The following RBBP8NL variants were observed in gnomAD, a reference collection of about 807,000 sequenced individuals.
RBBP8NL encodes RBBP8 N-terminal-like protein.
In RBBP8NL, 59 loss-of-function variants were observed where a neutral mutation model predicts 62.2. The observed-to-expected ratio is 0.95, with a 90% CI of 0.77 to 1.18. The LOEUF (loss-of-function observed/expected upper bound fraction) is 1.18, where lower values mean the gene tolerates loss of function less well. RBBP8NL is among the 50% of genes most tolerant of loss of function. The pLI, the probability that RBBP8NL is intolerant of heterozygous loss-of-function variation, is 0.00. For synonymous variants in RBBP8NL, 412 were observed against 394.1 expected, an observed-to-expected ratio of 1.05 and a Z score of -0.54; for missense variants, 896 against 899.5, an observed-to-expected ratio of 1.00 and a Z score of 0.05.
At chr20:62,416,269 G>T in intron 5 of RBBP8NL, 33 bp from the exon 6 acceptor site, 1 of 1,484,686 alleles carries the variant, frequency 6.7e-7, no homozygotes. Flanking sequence ...AAGCAGCCAG[G>T]GGTTGGGGGG....
chr20:62,416,732 C>A (rs1267925310), intron 5 of RBBP8NL, 28 bp downstream of exon 5: 2 of 1,510,424 alleles, frequency 1.3e-6, no homozygotes, highest in South Asian at 1.2e-5. Context: ...TGGGAGAGGA[C>A]CCCGGTTGTC....
In RBBP8NL at chr20:62,419,747, G is replaced by A. The variant is rs1988659322; in HGVS notation, c.-83-17C>T. The A allele has an allele frequency of 7.5e-7, 1 of 1,336,782 alleles. No homozygotes were observed. Among genetic ancestry groups the A allele is most frequent in the Non-Finnish European group, 1.1e-6 (1 of 947,094 alleles). 82.8% of individuals were successfully genotyped at this position (1,336,782 alleles called of 1,614,324 possible). ...GTGTCCATCCTGAAGAGGAGGAAGA[G>A]GGGACAGGGATCCGCTCAGGAAGGG... is the stretch of plus-strand genomic sequence containing the variant. On this transcript the variant is annotated splice_polypyrimidine_tract_variant and intron_variant, in intron 1 of 13. Transcript: ENST00000252998.
intron 1 of RBBP8NL, among the ~76,000 whole-genome samples, chr20:62,420,062 C>T (rs1319963276): frequency 2.6e-5 from 4 of 152,182 alleles, no homozygotes; most frequent in Non-Finnish European, 5.9e-5. Flanking sequence ...TCCAGCCCAT[C>T]AGTGCCTGGC....
At chr20:62,415,053 C>G in intron 9 of RBBP8NL, 68 bp downstream of exon 9, 1 of 1,396,778 alleles carries the variant, frequency 7.2e-7, no homozygotes, top group South Asian at 1.5e-5. Flanking sequence ...AGGGACTGCC[C>G]TGGGACCAGG....
chr20:62,417,462 C>CTTGA lies in RBBP8NL; in HGVS notation c.105-144_105-143insTCAA, dbSNP rs1157293457. 6.8e-4 allele frequency: 412 copies of CTTGA among 608,860 alleles called. 4 individuals are homozygous for CTTGA. The African/African-American group carries it at 9.8e-3, about 14-fold the overall frequency. The allele number at this position is 608,860 out of a possible 1,614,324, so 37.7% of individuals were successfully genotyped here. On this transcript the variant is annotated intron_variant, in intron 3 of 13. Transcript: ENST00000252998. ...AACGCCTAACCCGGTGCCCCCCTCC[C>CTTGA]AGTCATCTGCACGCTCCTCTGTGAC...
At chr20:62,423,512 A>T (rs1003660076) in intron 1 of RBBP8NL, among the ~76,000 whole-genome samples, 1 of 152,060 alleles carries the variant, frequency 6.6e-6, no homozygotes, top group Non-Finnish European at 1.5e-5. Flanking sequence ...CTCCCCCCAG[A>T]CCCGCCCAAC....
rs750395729 is a variant in RBBP8NL, at chr20:62,413,810, G to C, written c.1530+11C>G. 3.8e-6 allele frequency: 6 copies of C among 1,585,246 alleles called. No individual in the cohort carries two copies. In the African/African-American group the frequency reaches 8.1e-5, roughly 21 times the overall value. ...TGAGGACCGGGTCTGAGCCAGGACC[G>C]GGCTCCTTACCATGGGAGTGGAAGC... On this transcript the variant is annotated intron_variant, in intron 10 of 13. Coordinates refer to ENST00000252998, the MANE Select transcript of RBBP8NL (RefSeq NM_080833.3).
Position 62,414,545 on chromosome 20 carries a change from G to GC in RBBP8NL, c.805dup (p.Ala269GlyfsTer10). 1.4e-6 allele frequency: 2 copies of GC among 1,425,254 alleles called. No individual in the cohort carries two copies. The highest frequency in any genetic ancestry group is 1.8e-6 in the Non-Finnish European group (2 of 1,084,474). The allele number at this position is 1,425,254 out of a possible 1,614,324, so 88.3% of individuals were successfully genotyped here. ...ATGGGTCATGGCGGAGGGCCGGGAG[G>GC]CCCGCAGGAAGCTGTGAGGGAGGAG... On this transcript the variant is annotated frameshift_variant, in exon 10 of 14. Transcript: ENST00000252998. LOFTEE classifies it high-confidence loss of function.
intron 1 of RBBP8NL, among the ~76,000 whole-genome samples, chr20:62,427,243 C>A (rs1198004360): frequency 6.6e-6 from 1 of 152,234 alleles, no homozygotes; most frequent in East Asian, 1.9e-4. Flanking sequence ...CCAGCTCCTG[C>A]CAGGAACGCC....
At position 62,414,442 on chromosome 20, in the gene RBBP8NL, G is replaced by A. The variant is rs779185680; in HGVS notation, c.909C>T (p.Pro303=). ...NRPLSLHLQS[P]HSSPLAPAAA... is the part of the protein sequence containing the mutation. ...CAGCAGGGGCCAGGGGGCTGCTGTG[G>A]GGGCTCTGAAGGTGCAGGGACAGGG... Residue 303 remains proline, a synonymous_variant, in exon 10 of 14, where the codon CCC becomes CCT. Transcript: ENST00000252998. 4 of 1,508,172 alleles carry A rather than the reference G, an allele frequency of 2.7e-6. No homozygotes were observed. The highest frequency in any genetic ancestry group is 3.6e-6 in the Non-Finnish European group (4 of 1,123,656). 93.4% of individuals were successfully genotyped at this position (1,508,172 alleles called of 1,614,324 possible).
At chr20:62,418,038 T>G (rs1454556311) in intron 3 of RBBP8NL, among the ~76,000 whole-genome samples, 1 of 151,686 alleles carries the variant, frequency 6.6e-6, no homozygotes, top group Non-Finnish European at 1.5e-5. Flanking sequence ...ACGCACCACT[T>G]TAGTGCCACA....
At chr20:62,413,637 G>C in intron 10 of RBBP8NL, 92 bp from the exon 11 acceptor site, 1 of 1,445,668 alleles carries the variant, frequency 6.9e-7, no homozygotes, top group Non-Finnish European at 9.2e-7. Flanking sequence ...CCCTCTTGAG[G>C]CTGCAGCTGG....
chr20:62,424,596 C>G (rs1311119901), intron 1 of RBBP8NL, among the ~76,000 whole-genome samples: 1 of 152,216 alleles, frequency 6.6e-6, no homozygotes, highest in Admixed American at 6.5e-5. Context: ...AAACGGGTGC[C>G]TCTTATCCCC....
Position 62,414,528 on chromosome 20 carries a change from T to C in RBBP8NL, c.823A>G (p.Met275Val). 1.4e-6 allele frequency: 2 copies of C among 1,433,188 alleles called. No homozygotes were observed. The highest frequency in any genetic ancestry group is 2.5e-5 in the East Asian group (1 of 39,888). The allele number at this position is 1,433,188 out of a possible 1,614,324, so 88.8% of individuals were successfully genotyped here. ...SFLRASRPSA[M>V]THEAPKLSPK... The stretch of plus-strand genomic sequence containing the variant: ...GAGAGCTTCGGGGCCTCATGGGTCA[T>C]GGCGGAGGGCCGGGAGGCCCGCAGG... Residue 275 changes from methionine to valine, a missense_variant, in exon 10 of 14, where the codon ATG (methionine) becomes GTG (valine). Met to Val is a conservative substitution (Grantham distance 21, BLOSUM62 1). Transcript: ENST00000252998.
intron 11 of RBBP8NL, 32 bp from the exon 12 acceptor site, chr20:62,412,932 G>A: frequency 3.1e-6 from 5 of 1,610,258 alleles, no homozygotes; most frequent in Non-Finnish European, 4.2e-6. Flanking sequence ...GTCAGGCCAG[G>A]CTGGTGGCAC....
chr20:62,426,651 G>A lies in RBBP8NL; in HGVS notation c.-84+809C>T, dbSNP rs567973938. Among the ~76,000 whole-genome samples the A allele has an allele frequency of 1.6e-4, 25 of 152,356 alleles. No homozygotes were observed. The South Asian group carries it at 5.0e-3, about 30-fold the overall frequency. On this transcript the variant is annotated intron_variant, in intron 1 of 13. Coordinates refer to ENST00000252998, the MANE Select transcript of RBBP8NL (RefSeq NM_080833.3). ...TCGGCCAGGTCGCTTGTCTGGCCGT[G>A]CCTCAGTTTCTGTGACTGTAGAACA...
rs1173588847 is a variant in RBBP8NL at position 62,418,419 on chromosome 20, T to TCAC, written c.104+1_104+3dup. On this transcript the variant is annotated splice_donor_region_variant and intron_variant, in intron 3 of 13. Coordinates refer to ENST00000252998, the MANE Select transcript of RBBP8NL (RefSeq NM_080833.3). ...GAGGAGGGGCCCTGCTTGGCCTGAC[T>TCAC]CACCGGCACCTCTCTGAGTTCAGTT... The TCAC allele has an allele frequency of 5.8e-6, 9 of 1,550,222 alleles. No homozygotes were observed. The highest frequency in any genetic ancestry group is 7.8e-6 in the Non-Finnish European group (9 of 1,146,914).
At chr20:62,424,070 G>A (rs1298789791) in intron 1 of RBBP8NL, among the ~76,000 whole-genome samples, 25 of 151,832 alleles carry the variant, frequency 1.6e-4, no homozygotes, top group African/African-American at 5.3e-4. Flanking sequence ...CTACCGGGGC[G>A]GGGAGGGGCT....
Position 62,415,260 on chromosome 20 carries a change from G to T in RBBP8NL, c.655C>A (p.His219Asn). Residue 219 changes from histidine (H) to asparagine (N), a missense_variant, in exon 9 of 14, where the codon CAC becomes AAC. His to Asn is a moderately conservative substitution (Grantham distance 68, BLOSUM62 1). Transcript: ENST00000252998. ...MSPQRISNQL[H>N]GTIAVVRPGS... is the part of the protein sequence containing the mutation. ...GGCCGCACCACGGCAATGGTCCCGT[G>T]CAGCTGGTTGGAGATGCGCTGGGGG... is the stretch of plus-strand genomic sequence containing the variant. The T allele has an allele frequency of 1.3e-6, 2 of 1,571,098 alleles. No individual in the cohort carries two copies. Among genetic ancestry groups the T allele is most frequent in the Non-Finnish European group, 8.6e-7 (1 of 1,164,662 alleles).
Sources: gnomAD v4.1 joint callset for allele counts (sites outside exome capture counted in the v4.1 genomes callset) on GRCh38, gnomAD v4.1.1 for gene constraint, MANE v1.5 for transcripts, NCBI Gene and HGNC (gene_info 2026-07-23, HGNC 2026-07-21) for gene names.